Variants in ELOVL6 observed in about 807,000 individuals in gnomAD.
The protein encoded by ELOVL6 is ELOVL fatty acid elongase 6.
Under a neutral mutation model 31.7 loss-of-function variants are expected in ELOVL6, and 8 were observed. That is an observed-to-expected ratio of 0.25 (90% confidence interval 0.15 to 0.45). The LOEUF is 0.45. Ranked by LOEUF, ELOVL6 falls within the 20% of genes least tolerant of loss-of-function variation. The pLI is 1.00. For synonymous variants in ELOVL6, 101 were observed against 117.7 expected (o/e 0.86, Z 0.92); for missense variants, 126 against 326.4 (o/e 0.39, Z 4.73).
intron 1 of ELOVL6, among the ~76,000 whole-genome samples, chr4:110,134,397 T>G (rs1757753242): frequency 6.6e-6 from 1 of 152,140 alleles, no homozygotes. Flanking sequence ...AAAACACTTC[T>G]TACCCTCAGG....
At chr4:110,062,010 T>G (rs1755156864) in intron 2 of ELOVL6, among the ~76,000 whole-genome samples, 1 of 152,172 alleles carries the variant, frequency 6.6e-6, no homozygotes, top group Non-Finnish European at 1.5e-5. Context: ...CATTTATTCT[T>G]TCAGTGGTCA....
At chr4:110,124,823 CA>C (rs1757450906) in intron 1 of ELOVL6, among the ~76,000 whole-genome samples, 1 of 152,154 alleles carries the variant, frequency 6.6e-6, no homozygotes, top group African/African-American at 2.4e-5. Flanking sequence ...GGATTACTCT[CA>C]ACTAGACAGA....
chr4:110,162,877 A>T (rs941046080), intron 1 of ELOVL6, among the ~76,000 whole-genome samples: 1 of 152,180 alleles, frequency 6.6e-6, no homozygotes, highest in Non-Finnish European at 1.5e-5. Context: ...TTATTGGGAC[A>T]CTCATTGATG....
chr4:110,138,337 A>T (rs1323810808), intron 1 of ELOVL6, among the ~76,000 whole-genome samples: 4 of 152,190 alleles, frequency 2.6e-5, no homozygotes, highest in Admixed American at 2.6e-4. Flanking sequence ...GGTATTTCTT[A>T]TCTGCCAGAT....
At chr4:110,084,531 TAC>T (rs67665852) in intron 2 of ELOVL6, among the ~76,000 whole-genome samples, 6,687 of 70,062 alleles carry the variant, frequency 0.095, 467 homozygotes, top group Non-Finnish European at 0.12. Flanking sequence ...TATATACACT[TAC>T]ACACACACAC....
chr4:110,129,985 C>T (rs1312676521), intron 1 of ELOVL6, among the ~76,000 whole-genome samples: 1 of 145,056 alleles, frequency 6.9e-6, no homozygotes, highest in African/African-American at 2.6e-5. Context: ...GCAGCCTCTG[C>T]CTCCCGGGTT....
chr4:110,178,933 T>C (rs13131111), intron 1 of ELOVL6, among the ~76,000 whole-genome samples: 2 of 152,186 alleles, frequency 1.3e-5, no homozygotes, highest in Admixed American at 1.3e-4. Flanking sequence ...TTTTCACTTG[T>C]GTTTCTTAAA....
rs137902609 is a variant in ELOVL6, at chr4:110,087,652, C to T, written c.221+17845G>A. Among the ~76,000 whole-genome samples, 1,238 of 152,288 alleles carry T rather than the reference C, an allele frequency of 8.1e-3. 15 individuals are homozygous for T. Among genetic ancestry groups the T allele is most frequent in the African/African-American group, 0.028 (1,145 of 41,558 alleles). ...AATGAGTTTTTTAGTTTGCACCTGT[C>T]ATTAATGTCACAGTAGAGACACTGG... is the stretch of plus-strand genomic sequence containing the variant. On this transcript the variant is annotated intron_variant, in intron 2 of 3. Coordinates refer to ENST00000302274, the MANE Select transcript of ELOVL6 (RefSeq NM_024090.3).
At chr4:110,115,193 G>A (rs990006234) in intron 1 of ELOVL6, among the ~76,000 whole-genome samples, 5 of 152,084 alleles carry the variant, frequency 3.3e-5, no homozygotes, top group African/African-American at 1.2e-4. Context: ...GAAGCAATGA[G>A]AAAATATACC....
At chr4:110,099,943 C>T (rs1756692898) in intron 2 of ELOVL6, among the ~76,000 whole-genome samples, 1 of 152,188 alleles carries the variant, frequency 6.6e-6, no homozygotes. Flanking sequence ...AATCTAACTT[C>T]TTTGCCACCA....
Position 110,081,627 on chromosome 4 carries a change from A to T in ELOVL6, c.222-21873T>A, listed in dbSNP as rs185781548. Among the ~76,000 whole-genome samples, 423 of 150,962 alleles carry T rather than the reference A, an allele frequency of 2.8e-3. 4 individuals are homozygous for T. Among genetic ancestry groups the T allele is most frequent in the African/African-American group, 8.7e-3 (360 of 41,310 alleles). ...TTAAAGACTTAAATGTTAGACCTAA[A>T]ACCATAAAAACCATAGAAGAAAACC... On this transcript the variant is annotated intron_variant, in intron 2 of 3. Coordinates refer to ENST00000302274, the MANE Select transcript of ELOVL6 (RefSeq NM_024090.3).
At chr4:110,083,145 A>G (rs1379721229) in intron 2 of ELOVL6, among the ~76,000 whole-genome samples, 1 of 151,850 alleles carries the variant, frequency 6.6e-6, no homozygotes, top group African/African-American at 2.4e-5. Context: ...TAAGAAAAAG[A>G]CAAATCAATT....
chr4:110,178,078 C>T (rs1404997230), intron 1 of ELOVL6, among the ~76,000 whole-genome samples: 1 of 152,120 alleles, frequency 6.6e-6, no homozygotes, highest in Non-Finnish European at 1.5e-5. Flanking sequence ...GAGTGAGATG[C>T]ATCTCCTCAA....
intron 2 of ELOVL6, among the ~76,000 whole-genome samples, chr4:110,076,394 T>C (rs887956143): frequency 1.4e-4 from 21 of 152,142 alleles, no homozygotes; most frequent in African/African-American, 4.1e-4. Flanking sequence ...ACAAATCACA[T>C]ATACAATGGT....
chr4:110,182,634 C>T (rs1475920524), intron 1 of ELOVL6, among the ~76,000 whole-genome samples: 5 of 152,214 alleles, frequency 3.3e-5, no homozygotes, highest in Admixed American at 6.5e-5. Flanking sequence ...GGAGGCCGGG[C>T]GCGGTGGCTC....
At chr4:110,131,873 G>GTA (rs1438930279) in intron 1 of ELOVL6, among the ~76,000 whole-genome samples, 1 of 151,684 alleles carries the variant, frequency 6.6e-6, no homozygotes, top group African/African-American at 2.4e-5. Flanking sequence ...ATTCAGAATG[G>GTA]TATGAAGAGG....
intron 1 of ELOVL6, among the ~76,000 whole-genome samples, chr4:110,182,753 A>G (rs1759325887): frequency 6.6e-6 from 1 of 152,178 alleles, no homozygotes; most frequent in Non-Finnish European, 1.5e-5. Flanking sequence ...TACTAAAAAT[A>G]CAAAATTAGC....
Position 110,048,780 on chromosome 4 carries a change from A to G in ELOVL6, c.*2558T>C, listed in dbSNP as rs948172951. On this transcript the variant is annotated 3_prime_UTR_variant, in exon 4 of 4. Transcript: ENST00000302274. ...GAAATGCCTTTAGATATATTTAGCT[A>G]ATTTTAAAACTATTAAGACATTCAC... 6.6e-6 allele frequency: 1 copy of G among 152,266 alleles called. No individual in the cohort carries two copies. The highest frequency in any genetic ancestry group is 1.5e-5 in the Non-Finnish European group (1 of 68,050). 9.4% of individuals were successfully genotyped at this position (152,266 alleles called of 1,614,324 possible).
At chr4:110,059,217 T>A (rs536926002) in intron 3 of ELOVL6, among the ~76,000 whole-genome samples, 1 of 152,260 alleles carries the variant, frequency 6.6e-6, no homozygotes, top group East Asian at 1.9e-4. Context: ...ACTCTACAGA[T>A]GAAAGTATGC....
Sources: allele counts gnomAD v4.1 joint callset (sites outside exome capture counted in the v4.1 genomes callset), GRCh38; gene constraint gnomAD v4.1.1; transcripts MANE v1.5; gene names NCBI Gene and HGNC (gene_info 2026-07-23, HGNC 2026-07-21).